The following RLF variants were observed in gnomAD, a reference collection of about 807,000 sequenced individuals.
RLF encodes the protein RLF zinc finger.
A neutral mutation model predicts 162.9 loss-of-function variants in RLF; 7 were observed. The ratio of observed to expected loss-of-function variants is 0.04; its 90% confidence interval spans 0.02 to 0.08. RLF has a LOEUF of 0.08. RLF is among the 10% of genes least tolerant of loss of function. RLF has a pLI of 1.00. For synonymous variants in RLF, 782 were observed against 791.5 expected (o/e 0.99, Z 0.20); for missense variants, 1,664 against 2,244.7 (o/e 0.74, Z 5.23).
chr1:40,218,302 G>C (rs911803913), intron 5 of RLF, among the ~76,000 whole-genome samples: 8 of 152,266 alleles, frequency 5.3e-5, no homozygotes, highest in Admixed American at 1.3e-4. Context: ...GAGGGCAAAA[G>C]CCTCATTGGG....
At chr1:40,195,830 A>G in intron 4 of RLF, 66 bp downstream of exon 4, 1 of 1,481,872 alleles carries the variant, frequency 6.7e-7, no homozygotes, top group Non-Finnish European at 9.1e-7. Flanking sequence ...TTATGGGTTA[A>G]AATTTTGGGA....
intron 3 of RLF, among the ~76,000 whole-genome samples, chr1:40,191,653 G>A (rs1642559345): frequency 6.6e-6 from 1 of 152,106 alleles, no homozygotes; most frequent in South Asian, 2.1e-4. Context: ...AGAGTCCGAG[G>A]CTGCAGTGAG....
At chr1:40,210,084 G>A (rs1642847565) in intron 5 of RLF, among the ~76,000 whole-genome samples, 1 of 152,128 alleles carries the variant, frequency 6.6e-6, no homozygotes. Context: ...TTCAAAAGCA[G>A]CAGCAAAACA....
chr1:40,238,649 C>T lies in RLF; in HGVS notation c.3947C>T (p.Thr1316Ile). The T allele has an allele frequency of 6.2e-7, 1 of 1,613,318 alleles. No individual in the cohort carries two copies. Among genetic ancestry groups the T allele is most frequent in the Non-Finnish European group, 8.5e-7 (1 of 1,179,626 alleles). The change falls in exon 8 of 8, where the codon ACT becomes ATT. Residue 1316 changes from threonine (T) to isoleucine (I), a missense_variant. Thr to Ile is a moderately conservative substitution (Grantham distance 89, BLOSUM62 -1). Around this residue, in one of 15 missense-constraint regions of RLF, gnomAD observed 33 missense variants for 73.3 expected, o/e 0.45. Coordinates refer to ENST00000372771, the MANE Select transcript of RLF (RefSeq NM_012421.4). The surrounding 1 kb of genome is among the most constrained non-coding windows in gnomAD (Gnocchi z 5.2). ...YHKPFHCIHK[T>I]CNSSFTNLKG... ...AAACCATTCCATTGTATTCATAAAA[C>T]TTGCAACTCCTCATTCACCAATCTA...
rs529475055 is a variant in RLF, at chr1:40,231,621, A to C, written c.1052A>C (p.Gln351Pro). 6.2e-7 allele frequency: 1 copy of C among 1,613,994 alleles called. No homozygotes were observed. The change falls in exon 7 of 8, where the codon CAG becomes CCG. Residue 351 changes from glutamine (Q) to proline (P), a missense_variant. Physicochemically the swap from Gln to Pro is moderately conservative, Grantham distance 76 (BLOSUM62 -1). Coordinates refer to ENST00000372771, the MANE Select transcript of RLF (RefSeq NM_012421.4). Reference protein sequence around the residue: ...RQFGVIAKTQQHLFCLIRVIQ... With the variant: ...RQFGVIAKTQPHLFCLIRVIQ... Reference sequence around the variant, plus strand: ...TTTGGTGTCATAGCTAAAACGCAGCAGCATTTATTTTGCCTCATTAGAGTT... The same window carrying C: ...TTTGGTGTCATAGCTAAAACGCAGCCGCATTTATTTTGCCTCATTAGAGTT...
At chr1:40,197,816 T>G (rs1370937067) in intron 4 of RLF, among the ~76,000 whole-genome samples, 8 of 152,166 alleles carry the variant, frequency 5.3e-5, no homozygotes, top group Non-Finnish European at 7.4e-5. Context: ...TAATTTCAGG[T>G]CAAAAGATTA....
At chr1:40,185,609 G>A (rs1475719051) in intron 1 of RLF, among the ~76,000 whole-genome samples, 1 of 115,744 alleles carries the variant, frequency 8.6e-6, no homozygotes, top group Non-Finnish European at 1.7e-5. Flanking sequence ...TCAGGAGCTC[G>A]AGACCATCCT....
intron 1 of RLF, among the ~76,000 whole-genome samples, chr1:40,185,843 C>G (rs950908218): frequency 8.3e-4 from 56 of 67,548 alleles, no homozygotes; most frequent in Middle Eastern, 0.017. Flanking sequence ...AAAAAAAAAG[C>G]AAAAAAAAAA....
intron 3 of RLF, among the ~76,000 whole-genome samples, chr1:40,191,234 T>C (rs1048325767): frequency 1.3e-5 from 2 of 152,190 alleles, no homozygotes; most frequent in African/African-American, 4.8e-5. Context: ...TTTTTCTTCC[T>C]AACACTTTAA....
In RLF at chr1:40,239,017, C is replaced by T. The variant is rs1557764143; in HGVS notation, c.4315C>T (p.His1439Tyr). The stretch of plus-strand genomic sequence containing the variant: ...ACAGCATAATATTGAAGGGGAAATA[C>T]ATTCAGATTATGAAATTCATTGTGA... ...MEQHNIEGEI[H>Y]SDYEIHCDLN... Residue 1439 changes from histidine (H) to tyrosine (Y), a missense_variant, in exon 8 of 8, where the codon CAT becomes TAT. Physicochemically the swap from His to Tyr is moderately conservative, Grantham distance 83. Coordinates refer to ENST00000372771, the MANE Select transcript of RLF (RefSeq NM_012421.4). 3 of 1,614,188 alleles carry T rather than the reference C, an allele frequency of 1.9e-6. No individual in the cohort carries two copies. Among genetic ancestry groups the T allele is most frequent in the South Asian group, 1.1e-5 (1 of 91,082 alleles).
At chr1:40,202,779 A>G (rs1642734798) in intron 5 of RLF, among the ~76,000 whole-genome samples, 165 bp downstream of exon 5, 1 of 152,224 alleles carries the variant, frequency 6.6e-6, no homozygotes, top group African/African-American at 2.4e-5. Flanking sequence ...GACAGATAGA[A>G]TGTAATATTT....
At chr1:40,225,878 CAAAAAAAAAA>C (rs71577617) in intron 6 of RLF, among the ~76,000 whole-genome samples, 4 of 14,780 alleles carry the variant, frequency 2.7e-4, no homozygotes, top group South Asian at 2.8e-3. Context: ...GACTCCGTCG[CAAAAAAAAAA>C]AAAAAAAAAA....
At chr1:40,165,782 C>T (rs146219843) in intron 1 of RLF, among the ~76,000 whole-genome samples, 2 of 151,442 alleles carry the variant, frequency 1.3e-5, no homozygotes, top group Admixed American at 6.6e-5. Flanking sequence ...CTCAATTCCT[C>T]CCCCCCCTCC....
Position 40,237,587 on chromosome 1 carries a change from G to A in RLF, c.2885G>A (p.Gly962Asp). ...TTTACCTGTGGTTTTGATGGCTGTG[G>A]TTCCACATACAAAAATGCAAGAGGA... ...TKFTCGFDGC[G>D]STYKNARGMQ... Residue 962 changes from glycine to aspartate, a missense_variant, in exon 8 of 8, where the codon GGT (glycine) becomes GAT (aspartate). Physicochemically the swap from Gly to Asp is moderately conservative, Grantham distance 94. Transcript: ENST00000372771. This position sits in a 1 kb window ranked among gnomAD's most constrained non-coding sequence, Gnocchi z 4.4. 3 of 1,614,144 alleles carry A rather than the reference G, an allele frequency of 1.9e-6. No homozygotes were observed. The highest frequency in any genetic ancestry group is 2.2e-5 in the South Asian group (2 of 91,080).
At chr1:40,180,568 A>G (rs1307382260) in intron 1 of RLF, among the ~76,000 whole-genome samples, 1 of 151,754 alleles carries the variant, frequency 6.6e-6, no homozygotes, top group Non-Finnish European at 1.5e-5. Context: ...GACCTCTTTT[A>G]TTTTACATGA....
chr1:40,202,342 C>T, intron 4 of RLF, 70 bp from the exon 5 acceptor site: 3 of 1,002,166 alleles, frequency 3.0e-6, no homozygotes, highest in South Asian at 1.7e-5. Context: ...AGATCTCAAA[C>T]TTTCATCTTA....
chr1:40,225,578 CAA>C lies in RLF; in HGVS notation c.947+2884_947+2885del, dbSNP rs537934926. 1.9e-3 allele frequency among the ~76,000 whole-genome samples: 158 copies of C among 83,026 alleles called. 4 individuals are homozygous for C. Among genetic ancestry groups the C allele is most frequent in the South Asian group, 2.0e-3 (5 of 2,498 alleles). The allele number at this position is 83,026 out of a possible 152,430, so 54.5% of individuals were successfully genotyped here. On this transcript the variant is annotated intron_variant, in intron 6 of 7. Transcript: ENST00000372771. Reference sequence around the variant, plus strand: ...TGGGTGACAGAGCAAGACTCTGTCTCAAAAAAAAAAAAAAAAAGCCGGGCGCG... The same window carrying C: ...TGGGTGACAGAGCAAGACTCTGTCTCAAAAAAAAAAAAAAAGCCGGGCGCG...
intron 1 of RLF, among the ~76,000 whole-genome samples, chr1:40,178,928 G>A (rs868581148): frequency 3.3e-5 from 5 of 152,126 alleles, no homozygotes; most frequent in African/African-American, 9.6e-5. Context: ...TCCACATCCC[G>A]GGTTCAAGTG....
intron 5 of RLF, among the ~76,000 whole-genome samples, chr1:40,214,881 C>T (rs748671367): frequency 2.3e-5 from 3 of 132,534 alleles, no homozygotes; most frequent in African/African-American, 9.0e-5. Context: ...TATGATCATG[C>T]CACTGCACTC....
Sources: gnomAD v4.1 joint callset for allele counts (sites outside exome capture counted in the v4.1 genomes callset) on GRCh38, gnomAD v4.1.1 for gene constraint, gnomAD v4.1.1 regional missense constraint, Gnocchi (gnomAD v3.1) non-coding constraint, MANE v1.5 for transcripts, NCBI Gene and HGNC (gene_info 2026-07-23, HGNC 2026-07-21) for gene names.